Variants in CMIP observed in about 807,000 individuals in gnomAD.
The protein encoded by CMIP is c-Maf inducing protein, also known as C-Maf-inducing protein.
A neutral mutation model predicts 97.3 loss-of-function variants in CMIP; 13 were observed. The ratio of observed to expected loss-of-function variants is 0.13; its 90% CI spans 0.09 to 0.21. The LOEUF (loss-of-function observed/expected upper bound fraction) is 0.21, where lower values mean the gene tolerates loss of function less well. Ranked by LOEUF, CMIP falls within the 10% of genes least tolerant of loss-of-function variation. The probability of loss-of-function intolerance (pLI) is 1.00; values close to 1 mark genes in which losing one functional copy is unlikely to be tolerated. For synonymous variants in CMIP, 538 were observed against 436.3 expected (o/e 1.23, Z -2.91); for missense variants, 847 against 1,024.9 (o/e 0.83, Z 2.37).
At chr16:81,541,008 T>C (rs890641173) in intron 1 of CMIP, among the ~76,000 whole-genome samples, 1 of 151,758 alleles carries the variant, frequency 6.6e-6, no homozygotes, top group African/African-American at 2.4e-5. Flanking sequence ...TGCATACTTA[T>C]CAGTCCGTGG....
chr16:81,552,152 A>G (rs1456443447), intron 1 of CMIP, among the ~76,000 whole-genome samples: 1 of 152,066 alleles, frequency 6.6e-6, no homozygotes, highest in Non-Finnish European at 1.5e-5. Context: ...GCCTGGCTGC[A>G]AGGGGGCAGG....
intron 1 of CMIP, among the ~76,000 whole-genome samples, chr16:81,506,810 C>T (rs2089717420): frequency 6.6e-6 from 1 of 150,416 alleles, no homozygotes; most frequent in South Asian, 2.1e-4. Context: ...GAGGCTGAGG[C>T]AGGAGAATCA....
chr16:81,661,679 G>A (rs1340144494), intron 6 of CMIP, among the ~76,000 whole-genome samples: 2 of 152,204 alleles, frequency 1.3e-5, no homozygotes, highest in Non-Finnish European at 2.9e-5. Context: ...CAGCCTGTGG[G>A]GTGGAACAGC....
At chr16:81,563,574 T>C (rs976427387) in intron 1 of CMIP, among the ~76,000 whole-genome samples, 16 of 152,200 alleles carry the variant, frequency 1.1e-4, no homozygotes, top group Non-Finnish European at 2.2e-4. Flanking sequence ...GCGATACATG[T>C]GCACATTAAA....
chr16:81,476,736 A>G (rs963556763), intron 1 of CMIP, among the ~76,000 whole-genome samples: 1 of 152,154 alleles, frequency 6.6e-6, no homozygotes, highest in African/African-American at 2.4e-5. Flanking sequence ...TTGCTTCTAG[A>G]TTTTTGCTGC....
chr16:81,699,860 C>A, intron 15 of CMIP, 59 bp downstream of exon 15: 1 of 1,193,252 alleles, frequency 8.4e-7, no homozygotes. Context: ...TTGTCCGTGC[C>A]GATAGAGCAT....
In CMIP at chr16:81,613,113, C is replaced by T. The variant is rs144186996; in HGVS notation, c.426+5421C>T. On this transcript the variant is annotated intron_variant, in intron 2 of 20. Transcript: ENST00000537098. ...TTCAAAAGTAGACAAGCCAAAGGAA[C>T]GAGCAGTTTACAGTCCGGCCTTGTC... Among the ~76,000 whole-genome samples, 179 of 152,316 alleles carry T rather than the reference C, an allele frequency of 1.2e-3. No homozygotes were observed. In the Middle Eastern group the frequency reaches 0.027, roughly 23 times the overall value.
At chr16:81,623,755 G>A (rs2092022802) in intron 3 of CMIP, among the ~76,000 whole-genome samples, 1 of 152,238 alleles carries the variant, frequency 6.6e-6, no homozygotes, top group Non-Finnish European at 1.5e-5. Flanking sequence ...TCCTGGTTCT[G>A]TGGGCAGATT....
At chr16:81,664,715 A>G (rs1366224261) in intron 7 of CMIP, 1 of 444,204 alleles carries the variant, frequency 2.3e-6, no homozygotes, top group African/African-American at 2.0e-5. Flanking sequence ...AGGTCCTTCC[A>G]GAGAGCACTG....
chr16:81,514,972 G>C (rs189081136), intron 1 of CMIP, among the ~76,000 whole-genome samples: 1 of 152,174 alleles, frequency 6.6e-6, no homozygotes, highest in African/African-American at 2.4e-5. Flanking sequence ...CCTGAGCATC[G>C]TTGTTCGAGG....
At chr16:81,668,625 T>G (rs1159717420) in intron 7 of CMIP, among the ~76,000 whole-genome samples, 1 of 152,138 alleles carries the variant, frequency 6.6e-6, no homozygotes, top group Non-Finnish European at 1.5e-5. Context: ...TCCGGGGGCC[T>G]GGTGCAGGCG....
intron 1 of CMIP, among the ~76,000 whole-genome samples, chr16:81,554,527 C>T (rs1259620712): frequency 1.3e-5 from 2 of 152,222 alleles, no homozygotes; most frequent in African/African-American, 4.8e-5. Context: ...GAGGCCACTA[C>T]CAGGTGCTTG....
intron 1 of CMIP, among the ~76,000 whole-genome samples, chr16:81,524,852 G>C (rs1344066909): frequency 6.7e-6 from 1 of 149,808 alleles, no homozygotes; most frequent in African/African-American, 2.5e-5. Context: ...GGAGTGCAGT[G>C]TTGCTATCTT....
intron 1 of CMIP, among the ~76,000 whole-genome samples, chr16:81,524,486 G>A (rs774457019): frequency 2.4e-4 from 37 of 152,242 alleles, no homozygotes; most frequent in African/African-American, 5.1e-4. Context: ...TACTAAGCTC[G>A]TGGGGTTATC....
At chr16:81,591,382 A>G (rs1390141412) in intron 1 of CMIP, among the ~76,000 whole-genome samples, 1 of 152,218 alleles carries the variant, frequency 6.6e-6, no homozygotes, top group Non-Finnish European at 1.5e-5. Context: ...AGCTGGAGAC[A>G]GTGCACAGAA....
At chr16:81,486,719 C>T (rs1208283818) in intron 1 of CMIP, among the ~76,000 whole-genome samples, 3 of 152,260 alleles carry the variant, frequency 2.0e-5, no homozygotes, top group African/African-American at 7.2e-5. Context: ...TCTTAACTCC[C>T]TAAGCGAATC....
In CMIP at chr16:81,445,349, C is replaced by T; in HGVS notation, c.108C>T (p.Gly36=). The T allele has an allele frequency of 6.2e-7, 1 of 1,600,026 alleles. No individual in the cohort carries two copies. Among genetic ancestry groups the T allele is most frequent in the Non-Finnish European group, 8.5e-7 (1 of 1,173,976 alleles). ...DVSAPEGTKM[G]AVPCRRALLL... ...CGGCCCCCGAAGGCACGAAGATGGGCGCCGTGCCCTGCCGCCGGGCTCTTC... is the reference window on the plus strand; with the variant it reads ...CGGCCCCCGAAGGCACGAAGATGGGTGCCGTGCCCTGCCGCCGGGCTCTTC... The change falls in exon 1 of 21, where the codon GGC becomes GGT. Residue 36 remains glycine, a synonymous_variant. Transcript: ENST00000537098.
rs1217580797 is a variant in CMIP at position 81,444,825 on chromosome 16, C to G, written c.-417C>G. ...CCGCGGCCACTCTCGCCCGGACGGC[C>G]GCGCGGACACACGCTCTGTACACAC... On this transcript the variant is annotated 5_prime_UTR_variant, in exon 1 of 21. Coordinates refer to ENST00000537098, the MANE Select transcript of CMIP (RefSeq NM_198390.3). Among the ~76,000 whole-genome samples the G allele has an allele frequency of 6.9e-6, 1 of 145,070 alleles. No homozygotes were observed. The highest frequency in any genetic ancestry group is 1.5e-5 in the Non-Finnish European group (1 of 65,240).
At chr16:81,700,064 C>T (rs1196390040) in intron 15 of CMIP, among the ~76,000 whole-genome samples, 1 of 152,162 alleles carries the variant, frequency 6.6e-6, no homozygotes, top group Non-Finnish European at 1.5e-5. Flanking sequence ...TGTAACAAAC[C>T]ACCTCTAAGT....
Sources: allele counts gnomAD v4.1 joint callset (sites outside exome capture counted in the v4.1 genomes callset), GRCh38; gene constraint gnomAD v4.1.1; transcripts MANE v1.5; gene names NCBI Gene and HGNC (gene_info 2026-07-23, HGNC 2026-07-21).